NCKAP5: variants seen among roughly 807,000 people sequenced by gnomAD.
NCKAP5 encodes NCK associated protein 5, also known as nck-associated protein 5.
In NCKAP5, 92 loss-of-function variants were observed where a neutral mutation model predicts 167.0. The observed-to-expected ratio is 0.55, with a 90% confidence interval of 0.47 to 0.66. NCKAP5 has a LOEUF of 0.66. Ranked by LOEUF, NCKAP5 falls within the 30% of genes least tolerant of loss-of-function variation. The pLI, the probability that NCKAP5 is intolerant of heterozygous loss-of-function variation, is 0.00. For synonymous variants in NCKAP5, 891 were observed against 877.4 expected (o/e 1.02, Z -0.27); for missense variants, 2,378 against 2,315.0 (o/e 1.03, Z -0.56).
chr2:133,257,257 A>G (rs2088664094), intron 4 of NCKAP5, among the ~76,000 whole-genome samples: 1 of 152,192 alleles, frequency 6.6e-6, no homozygotes, highest in African/African-American at 2.4e-5. Context: ...TATAACTAGG[A>G]ACAAAATGGA....
intron 4 of NCKAP5, among the ~76,000 whole-genome samples, chr2:133,235,507 C>T (rs113893399): frequency 9.2e-5 from 14 of 152,026 alleles, no homozygotes; most frequent in African/African-American, 2.9e-4. Flanking sequence ...GAGGCAGAGG[C>T]GGTGGATCGC....
At chr2:133,041,318 A>G (rs1044102735) in intron 6 of NCKAP5, among the ~76,000 whole-genome samples, 2 of 152,164 alleles carry the variant, frequency 1.3e-5, no homozygotes, top group African/African-American at 4.8e-5. Context: ...TCTTCTCTCT[A>G]CAGGAAATCA....
chr2:132,953,190 T>A (rs2076242859), intron 8 of NCKAP5, among the ~76,000 whole-genome samples: 1 of 152,230 alleles, frequency 6.6e-6, no homozygotes, highest in Non-Finnish European at 1.5e-5. Flanking sequence ...TCTCTGGCCA[T>A]AGGTGCCCTG....
At chr2:133,613,787 G>A in the NCKAP5 span, among the ~76,000 whole-genome samples, 2 of 152,162 alleles carry the variant, frequency 1.3e-5, no homozygotes, top group African/African-American at 4.8e-5. Flanking sequence ...AATGGGAATG[G>A]CGCTCTTCCC....
intron 8 of NCKAP5, among the ~76,000 whole-genome samples, chr2:132,948,125 G>C (rs1024747439): frequency 3.3e-5 from 5 of 152,142 alleles, no homozygotes; most frequent in Admixed American, 3.3e-4. Flanking sequence ...AAACGGTAAT[G>C]ATGACAGTTT....
intron 16 of NCKAP5, among the ~76,000 whole-genome samples, chr2:132,741,495 C>T (rs908711222): frequency 2.0e-5 from 3 of 152,024 alleles, no homozygotes; most frequent in African/African-American, 7.2e-5. Flanking sequence ...AGTTGGATCC[C>T]AGACTCCTAG....
At chr2:133,168,869 G>A (rs996500709) in intron 5 of NCKAP5, among the ~76,000 whole-genome samples, 2 of 152,124 alleles carry the variant, frequency 1.3e-5, no homozygotes, top group Admixed American at 6.5e-5. Flanking sequence ...ATTCCTCACT[G>A]TGTGGTAAAA....
intron 11 of NCKAP5, among the ~76,000 whole-genome samples, chr2:132,821,626 G>C (rs1489948657): frequency 6.6e-6 from 1 of 152,170 alleles, no homozygotes; most frequent in African/African-American, 2.4e-5. Context: ...ACAGGAAGGG[G>C]AGAGGTCTGA....
At chr2:133,387,941 C>T (rs182165578) in intron 3 of NCKAP5, among the ~76,000 whole-genome samples, 1 of 152,298 alleles carries the variant, frequency 6.6e-6, no homozygotes, top group East Asian at 1.9e-4. Context: ...GTTAGCCATT[C>T]ATCCAATCTT....
At chr2:132,958,839 G>C (rs2076417535) in intron 8 of NCKAP5, among the ~76,000 whole-genome samples, 2 of 151,796 alleles carry the variant, frequency 1.3e-5, no homozygotes, top group African/African-American at 2.4e-5. Flanking sequence ...CCTACCCCTA[G>C]CTCACATTCT....
chr2:133,048,080 C>T (rs534661008), intron 6 of NCKAP5, among the ~76,000 whole-genome samples: 12 of 152,296 alleles, frequency 7.9e-5, no homozygotes, highest in Admixed American at 7.8e-4. Flanking sequence ...TGCATACCTT[C>T]CACAGTGTCT....
chr2:132,941,952 C>T (rs1697332682), intron 8 of NCKAP5, among the ~76,000 whole-genome samples: 1 of 152,004 alleles, frequency 6.6e-6, no homozygotes, highest in African/African-American at 2.4e-5. Flanking sequence ...TAGCATCTTA[C>T]AAGATGCTAA....
chr2:133,154,155 T>C (rs1194873918), intron 5 of NCKAP5, among the ~76,000 whole-genome samples: 1 of 152,168 alleles, frequency 6.6e-6, no homozygotes. Context: ...TCCTCCTTCT[T>C]GAAACTCTTT....
intron 8 of NCKAP5, among the ~76,000 whole-genome samples, chr2:132,933,901 T>C (rs1696636680): frequency 6.6e-6 from 1 of 152,206 alleles, no homozygotes; most frequent in African/African-American, 2.4e-5. Flanking sequence ...AGATGTTCAC[T>C]ACACAATCCC....
At chr2:132,740,364 G>T (rs1170593730) in intron 16 of NCKAP5, among the ~76,000 whole-genome samples, 5 of 152,050 alleles carry the variant, frequency 3.3e-5, no homozygotes. Flanking sequence ...GCTACATGTG[G>T]TATTGGCAGC....
chr2:133,522,270 C>T (rs376551356), intron 2 of NCKAP5, among the ~76,000 whole-genome samples: 23 of 152,250 alleles, frequency 1.5e-4, no homozygotes, highest in Non-Finnish European at 2.2e-4. Context: ...CTGTGGGTAC[C>T]GCCACCTTAT....
chr2:133,458,776 GA>G, intron 3 of NCKAP5, among the ~76,000 whole-genome samples: 1 of 152,256 alleles, frequency 6.6e-6, no homozygotes, highest in East Asian at 1.9e-4. Flanking sequence ...GGCTGATAAG[GA>G]CTCTCGGGGT....
Position 133,448,301 on chromosome 2 carries a change from C to T in NCKAP5, c.69+69157G>A, listed in dbSNP as rs114200098. 6.8e-3 allele frequency among the ~76,000 whole-genome samples: 1,023 copies of T among 151,460 alleles called. 18 individuals are homozygous for T. Among genetic ancestry groups the T allele is most frequent in the African/African-American group, 0.022 (917 of 41,314 alleles). On this transcript the variant is annotated intron_variant, in intron 3 of 19. Transcript: ENST00000409261. ...TTGGTGGCCACAATTTAAAAGCTTC[C>T]GGAAACTCTTTTCCACAAATCAAAC...
intron 3 of NCKAP5, among the ~76,000 whole-genome samples, chr2:133,420,032 T>C (rs1410052519): frequency 6.6e-6 from 1 of 152,216 alleles, no homozygotes; most frequent in African/African-American, 2.4e-5. Context: ...CCATTTCTGC[T>C]GAGTAAAAGG....
Sources: allele counts gnomAD v4.1 joint callset (sites outside exome capture counted in the v4.1 genomes callset), GRCh38; gene constraint gnomAD v4.1.1; transcripts MANE v1.5; gene names NCBI Gene and HGNC (gene_info 2026-07-23, HGNC 2026-07-21).